QKI: variants seen among roughly 807,000 people sequenced by gnomAD.
QKI encodes the protein KH domain-containing RNA-binding protein QKI.
Under a neutral mutation model 39.0 loss-of-function variants are expected in QKI, and 10 were observed. That is an observed-to-expected ratio of 0.26 (90% confidence interval 0.16 to 0.43). QKI has a LOEUF of 0.43. QKI is among the 20% of genes least tolerant of loss of function. QKI has a pLI of 1.00. For missense variants in QKI, 218 were observed against 428.0 expected, an observed-to-expected ratio of 0.51 and a Z score of 4.33; for synonymous variants, 204 against 155.4, an observed-to-expected ratio of 1.31 and a Z score of -2.33.
At chr6:163,446,317 A>T (rs1790145526) in intron 1 of QKI, among the ~76,000 whole-genome samples, 1 of 152,240 alleles carries the variant, frequency 6.6e-6, no homozygotes, top group Non-Finnish European at 1.5e-5. Context: ...TCGTAAGAGT[A>T]CATTTTCTTC....
intron 3 of QKI, among the ~76,000 whole-genome samples, chr6:163,517,146 G>A (rs1779881698): frequency 6.6e-6 from 1 of 150,460 alleles, no homozygotes; most frequent in African/African-American, 2.5e-5. Context: ...TGAGGAATTG[G>A]CTTGTATAAG....
rs528810707 is a variant in QKI, at chr6:163,511,610, T to A, written c.403-23372T>A. 3.1e-3 allele frequency among the ~76,000 whole-genome samples: 469 copies of A among 151,966 alleles called. 3 individuals are homozygous for A. Among genetic ancestry groups the A allele is most frequent in the African/African-American group, 0.01 (425 of 41,520 alleles). On this transcript the variant is annotated intron_variant, in intron 3 of 7. Transcript: ENST00000361752. ...AATTAGACAACTTAGTTGAAAAAAA[T>A]AAATTCTTTGGAAAACACAAATTAT... is the stretch of plus-strand genomic sequence containing the variant.
At chr6:163,415,955 TAGCCGACAAGG>T in intron 1 of QKI, 1 of 505,018 alleles carries the variant, frequency 2.0e-6, no homozygotes, top group Non-Finnish European at 3.9e-6. Context: ...TATGCTGGCG[TAGCCGACAAGG>T]AGGACTAAGT....
chr6:163,458,268 T>C (rs367896149), intron 2 of QKI, among the ~76,000 whole-genome samples: 28 of 152,332 alleles, frequency 1.8e-4, no homozygotes, highest in Middle Eastern at 3.4e-3. Context: ...TTCCTGGTGT[T>C]CGCTTTTCTC....
intron 3 of QKI, among the ~76,000 whole-genome samples, chr6:163,522,087 A>G (rs1780197175): frequency 6.6e-6 from 1 of 152,230 alleles, no homozygotes; most frequent in African/African-American, 2.4e-5. Flanking sequence ...TGTCTTCAAC[A>G]TACTTTCTTT....
At chr6:163,564,538 A>G (rs1007970265) in intron 6 of QKI, 6 of 1,533,168 alleles carry the variant, frequency 3.9e-6, no homozygotes, top group Middle Eastern at 1.9e-4. Flanking sequence ...ATAGTTAAAT[A>G]AATAGCAAAT....
chr6:163,574,015 C>CG lies in QKI; in HGVS notation c.*3309dup, dbSNP rs1205095242. 6.9e-6 allele frequency: 1 copy of CG among 144,868 alleles called. No homozygotes were observed. The highest frequency in any genetic ancestry group is 7.0e-5 in the Admixed American group (1 of 14,322). 9.0% of individuals were successfully genotyped at this position (144,868 alleles called of 1,614,324 possible). ...TATTCTGGTCTTTTAGCTTGGGGGC[C>CG]GGGGCGGGTGTGGGTGTAGGTGCAG... On this transcript the variant is annotated 3_prime_UTR_variant, in exon 8 of 8. Transcript: ENST00000361752.
intron 2 of QKI, among the ~76,000 whole-genome samples, chr6:163,471,684 C>G (rs1792196313): frequency 6.6e-6 from 1 of 152,040 alleles, no homozygotes; most frequent in Admixed American, 6.6e-5. Context: ...AAAATACGTT[C>G]ATATTTTCTT....
intron 3 of QKI, among the ~76,000 whole-genome samples, chr6:163,483,623 T>C (rs1413246195): frequency 6.6e-6 from 1 of 152,168 alleles, no homozygotes; most frequent in Non-Finnish European, 1.5e-5. Context: ...TTGCAGCAAT[T>C]CAGTCACATC....
At chr6:163,452,014 A>G (rs1790601714) in intron 1 of QKI, among the ~76,000 whole-genome samples, 2 of 152,220 alleles carry the variant, frequency 1.3e-5, no homozygotes, top group Non-Finnish European at 2.9e-5. Context: ...GATTATGGAG[A>G]AAAAGAATAA....
intron 3 of QKI, among the ~76,000 whole-genome samples, chr6:163,481,545 G>A (rs1793077132): frequency 2.0e-5 from 3 of 152,156 alleles, no homozygotes; most frequent in South Asian, 2.1e-4. Context: ...CATGTTCCCC[G>A]AAAAGGTTGG....
intron 3 of QKI, among the ~76,000 whole-genome samples, chr6:163,480,845 G>A (rs1360183041): frequency 1.3e-5 from 2 of 152,154 alleles, no homozygotes; most frequent in African/African-American, 2.4e-5. Context: ...ATATAAATCT[G>A]TATGAAAAGA....
At chr6:163,456,450 T>A (rs968006826) in intron 2 of QKI, among the ~76,000 whole-genome samples, 3 of 152,182 alleles carry the variant, frequency 2.0e-5, no homozygotes, top group Admixed American at 6.5e-5. Flanking sequence ...GGCTTTTTGC[T>A]AAGTTTCAGA....
chr6:163,470,471 G>T (rs952601610), intron 2 of QKI, among the ~76,000 whole-genome samples: 2 of 152,038 alleles, frequency 1.3e-5, no homozygotes, highest in Non-Finnish European at 2.9e-5. Context: ...AGATATTATT[G>T]TCTTTGGCCT....
chr6:163,529,295 G>C (rs1055134086), intron 3 of QKI, among the ~76,000 whole-genome samples: 1 of 152,306 alleles, frequency 6.6e-6, no homozygotes, highest in Admixed American at 6.5e-5. Context: ...TGGGAAAGCT[G>C]CAGCATATTC....
chr6:163,431,760 G>T (rs1788847034), intron 1 of QKI, among the ~76,000 whole-genome samples: 1 of 145,594 alleles, frequency 6.9e-6, no homozygotes, highest in Non-Finnish European at 1.5e-5. Context: ...AGGGTGGATA[G>T]TAGAATAGCA....
At chr6:163,436,236 G>A (rs781301232) in intron 1 of QKI, among the ~76,000 whole-genome samples, 6 of 152,102 alleles carry the variant, frequency 3.9e-5, no homozygotes, top group Non-Finnish European at 8.8e-5. Flanking sequence ...TGAAACTACT[G>A]GGGTTTAAAG....
intron 1 of QKI, among the ~76,000 whole-genome samples, chr6:163,426,938 A>G (rs1388904269): frequency 6.6e-6 from 1 of 152,180 alleles, no homozygotes; most frequent in Non-Finnish European, 1.5e-5. Flanking sequence ...TGTTAAAATT[A>G]TTACAACTTT....
intron 1 of QKI, among the ~76,000 whole-genome samples, chr6:163,430,518 T>C (rs1156942220): frequency 2.0e-5 from 3 of 152,166 alleles, no homozygotes. Context: ...TTTTTTTCTG[T>C]ATGTGTAGGT....
Sources: allele counts gnomAD v4.1 joint callset (sites outside exome capture counted in the v4.1 genomes callset), GRCh38; gene constraint gnomAD v4.1.1; transcripts MANE v1.5; gene names NCBI Gene and HGNC (gene_info 2026-07-23, HGNC 2026-07-21).